Variants in PHACTR1 observed in about 807,000 individuals in gnomAD.
PHACTR1 encodes phosphatase and actin regulator 1, also known as RPEL repeat containing 1.
In PHACTR1, 16 loss-of-function variants were observed where a neutral mutation model predicts 69.2. The observed-to-expected ratio is 0.23, with a 90% CI of 0.16 to 0.35. The LOEUF (loss-of-function observed/expected upper bound fraction) is 0.35. PHACTR1 is among the 10% of genes least tolerant of loss of function. The probability of loss-of-function intolerance (pLI) is 1.00; values close to 1 mark genes in which losing one functional copy is unlikely to be tolerated. For synonymous variants in PHACTR1, 312 were observed against 284.5 expected, an observed-to-expected ratio of 1.10 and a Z score of -0.97; for missense variants, 510 against 734.7, an observed-to-expected ratio of 0.69 and a Z score of 3.54.
At chr6:13,278,063 C>A in intron 11 of PHACTR1, 4 of 446,500 alleles carry the variant, frequency 9.0e-6, no homozygotes, top group Non-Finnish European at 1.7e-5. Flanking sequence ...ACAAGGTCAG[C>A]CTGCTCAGTA....
At position 13,179,261 on chromosome 6, in the gene PHACTR1, C is replaced by A. The variant is rs1200671412; in HGVS notation, c.497-3258C>A. On this transcript the variant is annotated intron_variant, in intron 6 of 14. Coordinates refer to ENST00000332995, the MANE Select transcript of PHACTR1 (RefSeq NM_030948.6). This position sits in a 1 kb window ranked among gnomAD's most constrained non-coding sequence, Gnocchi z 4.2. ...AAACAAACAGCAACAACAACAACAA[C>A]AAACCCAGTACTGATATATAAATAG... Among the ~76,000 whole-genome samples, 1 of 152,048 alleles carries A rather than the reference C, an allele frequency of 6.6e-6. No individual in the cohort carries two copies. Among genetic ancestry groups the A allele is most frequent in the Non-Finnish European group, 1.5e-5 (1 of 68,010 alleles).
intron 4 of PHACTR1, among the ~76,000 whole-genome samples, chr6:12,907,763 G>A (rs192491666): frequency 6.7e-6 from 1 of 150,200 alleles, no homozygotes; most frequent in Non-Finnish European, 1.5e-5. Flanking sequence ...TAAGAGAGAT[G>A]AGAGTGGAAG....
intron 4 of PHACTR1, among the ~76,000 whole-genome samples, chr6:13,004,619 T>C (rs1394331459): frequency 6.6e-6 from 1 of 152,248 alleles, no homozygotes; most frequent in East Asian, 1.9e-4. Flanking sequence ...GGTATACATG[T>C]GCAATGGTGG....
At chr6:13,253,593 A>G (rs552568291) in intron 10 of PHACTR1, among the ~76,000 whole-genome samples, 1 of 152,228 alleles carries the variant, frequency 6.6e-6, no homozygotes, top group Non-Finnish European at 1.5e-5. Flanking sequence ...AAGTAAGGAC[A>G]ATAAGTACAG....
intron 5 of PHACTR1, 111 bp downstream of exon 5, chr6:13,053,640 C>A: frequency 7.6e-7 from 1 of 1,321,084 alleles, no homozygotes; most frequent in Non-Finnish European, 1.0e-6. Context: ...GAAAAAATAT[C>A]AAGCCTTGGA....
intron 4 of PHACTR1, among the ~76,000 whole-genome samples, chr6:13,029,276 T>C (rs1802120340): frequency 6.6e-6 from 1 of 152,206 alleles, no homozygotes; most frequent in African/African-American, 2.4e-5. Context: ...GACAGAAATG[T>C]CTGGACTTCA....
chr6:12,726,362 A>C (rs1426382376), intron 3 of PHACTR1, among the ~76,000 whole-genome samples: 2 of 152,182 alleles, frequency 1.3e-5, no homozygotes, highest in Non-Finnish European at 2.9e-5. Flanking sequence ...GCTGAGTTTA[A>C]AAGCTGCTCT....
Position 13,174,872 on chromosome 6 carries a change from T to C in PHACTR1, c.497-7647T>C, listed in dbSNP as rs369081856. Among the ~76,000 whole-genome samples the C allele has an allele frequency of 4.7e-4, 72 of 152,296 alleles. 2 individuals carry two copies. In the South Asian group the frequency reaches 0.014, roughly 29 times the overall value. ...TTTGGTACTAACTTCATAGGATGGA[T>C]GGATGGAAGGAAGGAAAAAATAAAC... On this transcript the variant is annotated intron_variant, in intron 6 of 14. Transcript: ENST00000332995.
At chr6:13,267,467 GGCT>G (rs1225367046) in intron 10 of PHACTR1, 1 of 95,074 alleles carries the variant, frequency 1.1e-5, no homozygotes, top group Non-Finnish European at 3.0e-5. Context: ...ACTTCCATGT[GGCT>G]GCTGAATGGT....
chr6:12,827,348 T>C (rs1409667543), intron 4 of PHACTR1, among the ~76,000 whole-genome samples: 1 of 152,158 alleles, frequency 6.6e-6, no homozygotes, highest in East Asian at 1.9e-4. Context: ...CCTAGAAAAA[T>C]GCACTGATTC....
intron 4 of PHACTR1, among the ~76,000 whole-genome samples, chr6:12,762,794 G>T (rs1344986838): frequency 6.6e-6 from 1 of 152,106 alleles, no homozygotes; most frequent in Non-Finnish European, 1.5e-5. Context: ...ATATATGTTT[G>T]CATCTATATA....
At position 13,142,252 on chromosome 6, in the gene PHACTR1, G is replaced by A. The variant is rs550056078; in HGVS notation, c.416-17952G>A. Among the ~76,000 whole-genome samples the A allele has an allele frequency of 1.8e-4, 28 of 152,178 alleles. No individual in the cohort carries two copies. The South Asian group carries it at 4.8e-3, about 26-fold the overall frequency. ...CCAGTAGCTGGGACTACAGGCATGC[G>A]CCACCACACCTGGCTAATTTTTGTA... On this transcript the variant is annotated intron_variant, in intron 5 of 14. Transcript: ENST00000332995.
intron 4 of PHACTR1, among the ~76,000 whole-genome samples, chr6:12,986,307 G>A (rs749506515): frequency 2.4e-4 from 36 of 152,152 alleles, no homozygotes; most frequent in Admixed American, 4.6e-4. Flanking sequence ...ACCTTGCACC[G>A]GTGACACACA....
intron 4 of PHACTR1, among the ~76,000 whole-genome samples, chr6:12,836,166 C>T (rs1778137841): frequency 6.6e-6 from 1 of 152,110 alleles, no homozygotes; most frequent in Admixed American, 6.5e-5. Context: ...CACCTGACTT[C>T]TAAAGTCATC....
At chr6:13,271,565 CT>C (rs1403575572) in intron 10 of PHACTR1, among the ~76,000 whole-genome samples, 4 of 152,286 alleles carry the variant, frequency 2.6e-5, no homozygotes, top group African/African-American at 7.2e-5. Flanking sequence ...GCTCAAGTCC[CT>C]TGTATAAAAT....
At chr6:13,231,471 GGAAGGAAA>G (rs1420572459) in intron 10 of PHACTR1, among the ~76,000 whole-genome samples, 10 of 150,790 alleles carry the variant, frequency 6.6e-5, no homozygotes, top group South Asian at 6.2e-4. Flanking sequence ...AAGGAAGGAA[GGAAGGAAA>G]GAAGGAAGGA....
At chr6:13,250,426 C>A (rs536654656) in intron 10 of PHACTR1, among the ~76,000 whole-genome samples, 1 of 152,308 alleles carries the variant, frequency 6.6e-6, no homozygotes, top group East Asian at 1.9e-4. Flanking sequence ...ACAGATTATG[C>A]TGGGAATACG....
chr6:12,788,357 T>A (rs2127656503), intron 4 of PHACTR1, among the ~76,000 whole-genome samples: 1 of 152,288 alleles, frequency 6.6e-6, no homozygotes, highest in Middle Eastern at 3.4e-3. Flanking sequence ...TATTATCTTA[T>A]CAGAGTTATT....
chr6:13,161,946 A>G (rs1759079883), intron 6 of PHACTR1, among the ~76,000 whole-genome samples: 1 of 152,220 alleles, frequency 6.6e-6, no homozygotes, highest in African/African-American at 2.4e-5. Flanking sequence ...CCCTATGGTA[A>G]GCCAGCTTTA....
Sources: allele counts gnomAD v4.1 joint callset (sites outside exome capture counted in the v4.1 genomes callset), GRCh38; gene constraint gnomAD v4.1.1; non-coding constraint Gnocchi (gnomAD v3.1); transcripts MANE v1.5; gene names NCBI Gene and HGNC (gene_info 2026-07-23, HGNC 2026-07-21).